The following GDAP1L1 variants were observed in gnomAD, a reference collection of about 807,000 sequenced individuals.
GDAP1L1 encodes ganglioside-induced differentiation-associated protein 1-like 1.
Under a neutral mutation model 37.1 loss-of-function variants are expected in GDAP1L1, and 21 were observed. The ratio of observed to expected loss-of-function variants is 0.57; its 90% CI spans 0.40 to 0.81. The LOEUF is 0.81. GDAP1L1 is among the 40% of genes least tolerant of loss of function. The probability of loss-of-function intolerance (pLI) is 0.00; values close to 1 mark genes in which losing one functional copy is unlikely to be tolerated. For missense variants in GDAP1L1, 362 were observed against 491.6 expected (o/e 0.74, Z 2.49); for synonymous variants, 193 against 209.1 (o/e 0.92, Z 0.67).
intron 1 of GDAP1L1, among the ~76,000 whole-genome samples, chr20:44,250,624 A>C (rs2073421856): frequency 6.6e-6 from 1 of 152,222 alleles, no homozygotes; most frequent in Non-Finnish European, 1.5e-5. Flanking sequence ...ATTGAGTGAT[A>C]TCATGCATGT....
chr20:44,247,471 G>C lies in GDAP1L1; in HGVS notation c.137G>C (p.Ser46Thr). 1 of 1,598,264 alleles carries C rather than the reference G, an allele frequency of 6.3e-7. No individual in the cohort carries two copies. Among genetic ancestry groups the C allele is most frequent in the South Asian group, 1.1e-5 (1 of 88,890 alleles). Residue 46 changes from serine (S) to threonine (T), a missense_variant, in exon 1 of 6, where the codon AGC becomes ACC. This residue lies in a region of GDAP1L1 where 277 missense variants were observed against 337.1 expected (regional missense o/e 0.82). Coordinates refer to ENST00000342560, the MANE Select transcript of GDAP1L1 (RefSeq NM_024034.6). ...AGCCCCGCCCATTGGCCCAGGGAGA[G>C]CCTGGTTCTGTACCACTGGACCCAG... ...AASPAHWPRE[S>T]LVLYHWTQSF...
intron 5 of GDAP1L1, among the ~76,000 whole-genome samples, chr20:44,278,611 C>A (rs1051167026): frequency 6.6e-6 from 1 of 152,010 alleles, no homozygotes; most frequent in Non-Finnish European, 1.5e-5. Context: ...GAACTCCTGA[C>A]CTCAAATGAT....
At chr20:44,248,302 A>C (rs1467870016) in intron 1 of GDAP1L1, among the ~76,000 whole-genome samples, 5 of 152,170 alleles carry the variant, frequency 3.3e-5, no homozygotes, top group Non-Finnish European at 7.4e-5. Flanking sequence ...CTAGGGGCGC[A>C]ATCTCCCACC....
intron 5 of GDAP1L1, among the ~76,000 whole-genome samples, chr20:44,268,953 CT>C (rs1313028058): frequency 6.6e-6 from 1 of 152,138 alleles, no homozygotes; most frequent in African/African-American, 2.4e-5. Flanking sequence ...CATTGCAAAT[CT>C]GAGTGACATA....
chr20:44,259,626 G>T (rs1327658064), intron 3 of GDAP1L1, among the ~76,000 whole-genome samples: 1 of 151,658 alleles, frequency 6.6e-6, no homozygotes, highest in African/African-American at 2.4e-5. Context: ...CTCCCAAGTA[G>T]CTGGGACCCC....
intron 5 of GDAP1L1, among the ~76,000 whole-genome samples, chr20:44,266,320 CAA>C (rs34665372): frequency 4.4e-5 from 6 of 137,908 alleles, no homozygotes; most frequent in Admixed American, 7.1e-5. Context: ...GCCCCCCAAC[CAA>C]AAAAAAAAAA....
intron 5 of GDAP1L1, among the ~76,000 whole-genome samples, chr20:44,269,453 G>A (rs1282714053): frequency 2.0e-5 from 3 of 152,196 alleles, no homozygotes; most frequent in Non-Finnish European, 4.4e-5. Flanking sequence ...CAACTGCTGC[G>A]TGAAAATGGA....
chr20:44,278,968 G>A lies in GDAP1L1; in HGVS notation c.772G>A (p.Glu258Lys), dbSNP rs1449582888. The A allele has an allele frequency of 1.9e-6, 3 of 1,611,252 alleles. No homozygotes were observed. The highest frequency in any genetic ancestry group is 2.5e-6 in the Non-Finnish European group (3 of 1,177,924). The change falls in exon 6 of 6, where the codon GAG becomes AAG. Residue 258 changes from glutamate (E) to lysine (K), a missense_variant. Glu to Lys is a moderately conservative substitution (Grantham distance 56). Around this residue, in one of 2 missense-constraint regions of GDAP1L1, gnomAD observed 85 missense variants for 154.4 expected, o/e 0.55. Transcript: ENST00000342560. ...RKLENEGQKC[E>K]LWLCGCAFTL... ...TTCTTCCACTCTAGGGCAGAAATGC[G>A]AGCTGTGGCTCTGTGGCTGTGCCTT...
At chr20:44,274,830 G>C (rs2062556412) in intron 5 of GDAP1L1, among the ~76,000 whole-genome samples, 1 of 152,140 alleles carries the variant, frequency 6.6e-6, no homozygotes, top group South Asian at 2.1e-4. Context: ...CCTGGAACCT[G>C]CATCACTAAC....
At chr20:44,261,533 T>A (rs148918444) in intron 3 of GDAP1L1, among the ~76,000 whole-genome samples, 370 of 152,226 alleles carry the variant, frequency 2.4e-3, no homozygotes, top group Middle Eastern at 0.014. Context: ...TGTGTTGAGT[T>A]TTAAGGGAAC....
At chr20:44,270,834 T>C (rs766475135) in intron 5 of GDAP1L1, among the ~76,000 whole-genome samples, 4 of 152,226 alleles carry the variant, frequency 2.6e-5, no homozygotes, top group Non-Finnish European at 5.9e-5. Flanking sequence ...ATGTCTTTTA[T>C]GATCTACTGC....
At chr20:44,249,219 G>A (rs566843101) in intron 1 of GDAP1L1, among the ~76,000 whole-genome samples, 128 of 152,006 alleles carry the variant, frequency 8.4e-4, no homozygotes, top group Non-Finnish European at 1.6e-3. Context: ...TATATTTTTG[G>A]TAGAGACAGG....
rs371717170 is a variant in GDAP1L1 at position 44,279,601 on chromosome 20, GGA to G, written c.*304_*305del. 214 of 518,680 alleles carry G rather than the reference GGA, an allele frequency of 4.1e-4. 2 individuals carry two copies. Among genetic ancestry groups the G allele is most frequent in the African/African-American group, 3.7e-3 (191 of 52,210 alleles). 32.1% of individuals were successfully genotyped at this position (518,680 alleles called of 1,614,324 possible). Reference sequence around the variant, plus strand: ...ATTCAAGGTCTCAAGATGGAACTGTGGAGACTGGTTAGGATCTGAGGTGAGTC... The same window carrying G: ...ATTCAAGGTCTCAAGATGGAACTGTGGACTGGTTAGGATCTGAGGTGAGTC... On this transcript the variant is annotated 3_prime_UTR_variant, in exon 6 of 6. Coordinates refer to ENST00000342560, the MANE Select transcript of GDAP1L1 (RefSeq NM_024034.6).
intron 1 of GDAP1L1, among the ~76,000 whole-genome samples, chr20:44,250,544 C>T (rs891395390): frequency 6.6e-6 from 1 of 152,220 alleles, no homozygotes; most frequent in Non-Finnish European, 1.5e-5. Context: ...AGCTATGTGA[C>T]TTTGTACAAG....
chr20:44,250,542 G>A (rs1226786137), intron 1 of GDAP1L1, among the ~76,000 whole-genome samples: 1 of 152,186 alleles, frequency 6.6e-6, no homozygotes, highest in Non-Finnish European at 1.5e-5. Context: ...CCAGCTATGT[G>A]ACTTTGTACA....
chr20:44,274,140 T>C (rs2062548880), intron 5 of GDAP1L1, among the ~76,000 whole-genome samples: 1 of 152,186 alleles, frequency 6.6e-6, no homozygotes, highest in Non-Finnish European at 1.5e-5. Flanking sequence ...ACTGTTCTTG[T>C]CCTTGTCCAA....
At chr20:44,254,963 C>T (rs2073511658) in intron 1 of GDAP1L1, among the ~76,000 whole-genome samples, 1 of 152,128 alleles carries the variant, frequency 6.6e-6, no homozygotes. Context: ...TCCACAACAG[C>T]CCATTTCAAC....
intron 3 of GDAP1L1, 146 bp downstream of exon 3, chr20:44,258,753 C>G (rs1303092225): frequency 3.1e-6 from 2 of 646,190 alleles, no homozygotes; most frequent in East Asian, 5.6e-5. Flanking sequence ...CATTTGTCCC[C>G]GCCTCTCTCT....
At chr20:44,270,121 A>G (rs746530322) in intron 5 of GDAP1L1, among the ~76,000 whole-genome samples, 1 of 151,032 alleles carries the variant, frequency 6.6e-6, no homozygotes, top group Non-Finnish European at 1.5e-5. Context: ...TGTATTAGTT[A>G]TCTGTGTGGC....
Sources: allele counts gnomAD v4.1 joint callset (sites outside exome capture counted in the v4.1 genomes callset), GRCh38; gene constraint gnomAD v4.1.1; regional missense constraint gnomAD v4.1.1; transcripts MANE v1.5; gene names NCBI Gene and HGNC (gene_info 2026-07-23, HGNC 2026-07-21).